UBAP2: variants seen among roughly 807,000 people sequenced by gnomAD.
The protein encoded by UBAP2 is ubiquitin-associated protein 2.
UBAP2 carries 75 observed loss-of-function variants against 139.6 expected under a neutral mutation model. The ratio of observed to expected loss-of-function variants is 0.54; its 90% CI spans 0.45 to 0.65. The LOEUF (loss-of-function observed/expected upper bound fraction) is 0.65, where lower values mean the gene tolerates loss of function less well. Among genes scored for constraint, UBAP2 ranks in the 30% least tolerant of loss-of-function variants. The probability of loss-of-function intolerance (pLI) is 0.00; values close to 1 mark genes in which losing one functional copy is unlikely to be tolerated. For missense variants in UBAP2, 1,368 were observed against 1,369.6 expected (o/e 1.00, Z 0.02); for synonymous variants, 526 against 526.2 (o/e 1.00, Z 0.01).
At chr9:33,960,478 A>C (rs1008044365) in intron 10 of UBAP2, among the ~76,000 whole-genome samples, 1 of 152,080 alleles carries the variant, frequency 6.6e-6, no homozygotes, top group African/African-American at 2.4e-5. Context: ...CAAACACCGA[A>C]AGAAAGACAG....
intron 2 of UBAP2, among the ~76,000 whole-genome samples, chr9:34,010,680 T>C (rs1177884575): frequency 6.6e-6 from 1 of 152,024 alleles, no homozygotes; most frequent in African/African-American, 2.4e-5. Flanking sequence ...TAAAGCATTG[T>C]GGGGAGGGAT....
chr9:33,934,481 C>T (rs1396595610), intron 17 of UBAP2: 1 of 155,728 alleles, frequency 6.4e-6, no homozygotes, highest in Non-Finnish European at 1.5e-5. Flanking sequence ...AAAGGGTCAA[C>T]TTACACCTAG....
chr9:33,935,386 C>A (rs1400214102), intron 17 of UBAP2: 1 of 157,506 alleles, frequency 6.3e-6, no homozygotes, highest in Non-Finnish European at 1.4e-5. Context: ...GCCTCAGCCT[C>A]CCAAGTAGCT....
chr9:33,940,920 C>A (rs563895232), intron 16 of UBAP2, among the ~76,000 whole-genome samples: 2 of 152,162 alleles, frequency 1.3e-5, no homozygotes, highest in Admixed American at 6.6e-5. Context: ...AAAAAATTAG[C>A]GCAACTTTCT....
At chr9:33,945,484 ACTGGGTG>A (rs1825588507) in intron 13 of UBAP2, among the ~76,000 whole-genome samples, 1 of 127,908 alleles carries the variant, frequency 7.8e-6, no homozygotes, top group Non-Finnish European at 1.7e-5. Context: ...TGGGTGACAG[ACTGGGTG>A]ACAAACAAAC....
In UBAP2 at chr9:33,944,547, CAGG is replaced by C; in HGVS notation, c.1360_1362del (p.Pro454del). The C allele has an allele frequency of 6.2e-7, 1 of 1,614,104 alleles. No individual in the cohort carries two copies. The highest frequency in any genetic ancestry group is 2.2e-5 in the East Asian group (1 of 44,876). ...GCCTGGGAAGGAAAGGACTCCAAAC[CAGG>C]AGGAGGAACAGTGACTGCCTGGCTC... On this transcript the variant is annotated inframe_deletion, in exon 14 of 29. Coordinates refer to ENST00000379238, the MANE Select transcript of UBAP2 (RefSeq NM_001370062.2).
At chr9:33,946,712 T>C (rs1332931985) in intron 13 of UBAP2, among the ~76,000 whole-genome samples, 1 of 152,112 alleles carries the variant, frequency 6.6e-6, no homozygotes, top group East Asian at 1.9e-4. Flanking sequence ...CAGAATTTAA[T>C]TTAAAAAAAA....
intron 6 of UBAP2, among the ~76,000 whole-genome samples, chr9:33,983,006 T>G (rs1012131181): frequency 6.6e-6 from 1 of 151,842 alleles, no homozygotes; most frequent in Non-Finnish European, 1.5e-5. Flanking sequence ...GGCCTCCAAG[T>G]AGCTGGGACT....
intron 4 of UBAP2, among the ~76,000 whole-genome samples, chr9:33,990,533 C>T (rs1821611176): frequency 6.6e-6 from 1 of 152,020 alleles, no homozygotes; most frequent in South Asian, 2.1e-4. Context: ...AATATACTAT[C>T]ACCTGATAGT....
intron 7 of UBAP2, among the ~76,000 whole-genome samples, chr9:33,972,954 G>A (rs1342549746): frequency 1.3e-5 from 2 of 152,160 alleles, no homozygotes; most frequent in Admixed American, 6.5e-5. Context: ...CCCCATGGAA[G>A]TATTATCCAA....
chr9:33,989,698 T>G (rs1821534372), intron 4 of UBAP2, among the ~76,000 whole-genome samples: 1 of 152,184 alleles, frequency 6.6e-6, no homozygotes, highest in Non-Finnish European at 1.5e-5. Flanking sequence ...CCCTTTCCTA[T>G]GCAAATTTAG....
chr9:33,922,569 A>C lies in UBAP2; in HGVS notation c.3295T>G (p.Ser1099Ala). ...GAGGCTTGAGACTTGGGCTGCAGGG[A>C]GCTGGGCTGGCTGCGCTGACCCGAG... ...SGSGQRSQPS[S>A]LQPKSQASKP... Residue 1099 changes from serine (S) to alanine (A), a missense_variant, in exon 29 of 29, where the codon TCC (serine) becomes GCC (alanine). Physicochemically the swap from Ser to Ala is moderately conservative, Grantham distance 99. Transcript: ENST00000379238. 6.2e-7 allele frequency: 1 copy of C among 1,613,736 alleles called. No individual in the cohort carries two copies.
At chr9:34,033,371 AACATC>A (rs1826051172) in intron 1 of UBAP2, among the ~76,000 whole-genome samples, 2 of 152,162 alleles carry the variant, frequency 1.3e-5, no homozygotes, top group South Asian at 4.1e-4. Flanking sequence ...CAGAAAGACA[AACATC>A]ACATGTTCTC....
chr9:34,023,119 G>T (rs1270677987), intron 1 of UBAP2, among the ~76,000 whole-genome samples: 1 of 151,668 alleles, frequency 6.6e-6, no homozygotes, highest in Non-Finnish European at 1.5e-5. Flanking sequence ...CCAGCTACTC[G>T]GGAGGCTGAG....
chr9:33,971,545 C>T, intron 8 of UBAP2, 106 bp downstream of exon 8: 3 of 727,186 alleles, frequency 4.1e-6, no homozygotes, highest in Admixed American at 2.1e-5. Context: ...GCCTGTTTTT[C>T]ATTCTTTTCC....
rs74180522 is a variant in UBAP2 at position 34,016,370 on chromosome 9, CGGTGGTGGTGGT to C, written c.99+668_99+679del. 5.3e-3 allele frequency among the ~76,000 whole-genome samples: 498 copies of C among 93,672 alleles called. 13 individuals are homozygous for C. Among genetic ancestry groups the C allele is most frequent in the East Asian group, 6.7e-3 (23 of 3,434 alleles). 61.5% of individuals were successfully genotyped at this position (93,672 alleles called of 152,430 possible). On this transcript the variant is annotated intron_variant, in intron 2 of 28. Transcript: ENST00000379238. ...GAGGAGGCAGCAGCGGCGGCAGCGG[CGGTGGTGGTGGT>C]GGTGGTGGTGGTGGTGGTGGTGGTG... is the stretch of plus-strand genomic sequence containing the variant.
At chr9:33,924,135 G>T in intron 23 of UBAP2, 71 bp downstream of exon 23, 1 of 1,592,636 alleles carries the variant, frequency 6.3e-7, no homozygotes. Flanking sequence ...GCTTGCTGTT[G>T]CTGCTTCCCA....
In UBAP2 at chr9:33,922,695, C is replaced by G. The variant is rs753331597; in HGVS notation, c.3256G>C (p.Asp1086His). 12 of 1,552,140 alleles carry G rather than the reference C, an allele frequency of 7.7e-6. No individual in the cohort carries two copies. The highest frequency in any genetic ancestry group is 1.4e-5 in the African/African-American group (1 of 73,160). ...SQLLHHHLPQ[D>H]AQSGSGQRSQ... ...TCCATCACTGTACTCACCTGTGCAT[C>G]CTGCGGAAGGTGGTGGTGCAGCAGC... is the stretch of plus-strand genomic sequence containing the variant. The change falls in exon 28 of 29, where the codon GAT becomes CAT. Residue 1086 changes from aspartate to histidine, a missense_variant. By Grantham distance (81) the Asp-to-His change is moderately conservative. Transcript: ENST00000379238.
At chr9:33,928,735 G>A (rs1457885088) in intron 19 of UBAP2, 1 of 152,356 alleles carries the variant, frequency 6.6e-6, no homozygotes, top group Non-Finnish European at 1.5e-5. Context: ...AGGTAGGTGG[G>A]GGGCACACCT....
Sources: gnomAD v4.1 joint callset for allele counts (sites outside exome capture counted in the v4.1 genomes callset) on GRCh38, gnomAD v4.1.1 for gene constraint, MANE v1.5 for transcripts, NCBI Gene and HGNC (gene_info 2026-07-23, HGNC 2026-07-21) for gene names.